The following CFAP77 variants were observed in gnomAD, a reference collection of about 807,000 sequenced individuals.
CFAP77 encodes the protein cilia- and flagella-associated protein 77.
A neutral mutation model predicts 31.1 loss-of-function variants in CFAP77; 25 were observed. The ratio of observed to expected loss-of-function variants is 0.80; its 90% CI spans 0.59 to 1.12. The LOEUF is 1.12. Ranked by LOEUF, CFAP77 falls within the 50% of genes most tolerant of loss-of-function variation. The pLI is 0.00. For synonymous variants in CFAP77, 151 were observed against 159.9 expected, an observed-to-expected ratio of 0.94 and a Z score of 0.42; for missense variants, 377 against 397.3, an observed-to-expected ratio of 0.95 and a Z score of 0.44.
At chr9:132,563,282 G>A (rs1479492713) in intron 5 of CFAP77, among the ~76,000 whole-genome samples, 1 of 152,192 alleles carries the variant, frequency 6.6e-6, no homozygotes, top group Non-Finnish European at 1.5e-5. Flanking sequence ...CCAAAAAGCT[G>A]CAGTTACAAG....
At chr9:132,523,505 A>T (rs1365490636) in intron 3 of CFAP77, among the ~76,000 whole-genome samples, 4 of 152,182 alleles carry the variant, frequency 2.6e-5, no homozygotes, top group Non-Finnish European at 5.9e-5. Flanking sequence ...GGCTCATTAC[A>T]CACACAGCCA....
intron 1 of CFAP77, among the ~76,000 whole-genome samples, chr9:132,444,247 G>A (rs1329725527): frequency 4.6e-5 from 7 of 152,230 alleles, no homozygotes; most frequent in African/African-American, 1.2e-4. Flanking sequence ...AGGCTAAGGC[G>A]CTCAGATGGG....
At chr9:132,411,924 T>TAACATAC (rs1850012876) in intron 1 of CFAP77, among the ~76,000 whole-genome samples, 1 of 152,092 alleles carries the variant, frequency 6.6e-6, no homozygotes, top group Admixed American at 6.5e-5. Flanking sequence ...TGCACCCATA[T>TAACATAC]AACATACCGT....
Position 132,498,491 on chromosome 9 carries a change from C to A in CFAP77, c.196-204C>A, listed in dbSNP as rs1363027174. ...CTTGCCTTCAGCACAGACACACAGACCCGCTTCTGCTGTGTGACCCTGTGC... is the reference window on the plus strand; with the variant it reads ...CTTGCCTTCAGCACAGACACACAGAACCGCTTCTGCTGTGTGACCCTGTGC... On this transcript the variant is annotated intron_variant, in intron 1 of 5. Transcript: ENST00000393216. This position sits in a 1 kb window ranked among gnomAD's most constrained non-coding sequence, Gnocchi z 4.2. 6.6e-6 allele frequency among the ~76,000 whole-genome samples: 1 copy of A among 152,174 alleles called. No homozygotes were observed. The highest frequency in any genetic ancestry group is 2.4e-5 in the African/African-American group (1 of 41,434).
intron 1 of CFAP77, among the ~76,000 whole-genome samples, chr9:132,489,567 G>T (rs1053958916): frequency 2.0e-5 from 3 of 152,202 alleles, no homozygotes; most frequent in African/African-American, 7.2e-5. Context: ...GAGGGCACAG[G>T]ACATCCTGTG....
chr9:132,464,093 T>C (rs879284713), intron 1 of CFAP77, among the ~76,000 whole-genome samples: 15 of 152,188 alleles, frequency 9.9e-5, no homozygotes, highest in Non-Finnish European at 1.8e-4. Context: ...GAAAAGCAGT[T>C]TCTTAGTGAC....
chr9:132,569,339 G>A (rs963578622), intron 5 of CFAP77, among the ~76,000 whole-genome samples: 2 of 152,068 alleles, frequency 1.3e-5, no homozygotes, highest in Non-Finnish European at 2.9e-5. Flanking sequence ...CCGAGAGTTT[G>A]AGGCTGCAGT....
At chr9:132,457,497 G>A (rs944853194) in intron 1 of CFAP77, among the ~76,000 whole-genome samples, 5 of 151,910 alleles carry the variant, frequency 3.3e-5, no homozygotes, top group African/African-American at 9.7e-5. Flanking sequence ...TGATCTATTC[G>A]TTTTCCCCAG....
At chr9:132,460,666 G>A (rs1185911983) in intron 1 of CFAP77, among the ~76,000 whole-genome samples, 4 of 152,144 alleles carry the variant, frequency 2.6e-5, no homozygotes, top group African/African-American at 9.7e-5. Flanking sequence ...CTTTTGGGGT[G>A]ATGAAAAAGT....
rs1296459783 is a variant in CFAP77, at chr9:132,499,697, C to A, written c.524+97C>A. ...GGAGGGTGACAGGGAAGTGGAGCAT[C>A]CTCCCAGCCCCACTGTCCTCTCTTC... On this transcript the variant is annotated intron_variant, in intron 3 of 5. Transcript: ENST00000393216. The surrounding 1 kb of genome is among the most constrained non-coding windows in gnomAD (Gnocchi z 5.4). The A allele has an allele frequency of 9.6e-7, 1 of 1,042,612 alleles. No individual in the cohort carries two copies. The highest frequency in any genetic ancestry group is 1.5e-6 in the Non-Finnish European group (1 of 685,250). The allele number at this position is 1,042,612 out of a possible 1,614,324, so 64.6% of individuals were successfully genotyped here.
chr9:132,440,252 G>A (rs899926294), intron 1 of CFAP77, among the ~76,000 whole-genome samples: 2 of 151,966 alleles, frequency 1.3e-5, no homozygotes, highest in Non-Finnish European at 2.9e-5. Flanking sequence ...AGAGAGGATC[G>A]CTTGAACCCA....
At chr9:132,543,699 C>G (rs1720254545) in intron 5 of CFAP77, among the ~76,000 whole-genome samples, 1 of 152,148 alleles carries the variant, frequency 6.6e-6, no homozygotes, top group African/African-American at 2.4e-5. Context: ...AAAGGTCTAC[C>G]AAGGACTGGG....
intron 1 of CFAP77, among the ~76,000 whole-genome samples, chr9:132,489,959 A>G (rs1420491766): frequency 6.6e-6 from 1 of 152,180 alleles, no homozygotes; most frequent in Non-Finnish European, 1.5e-5. Context: ...GGGGCAATAT[A>G]GAAAGAATAG....
chr9:132,483,981 G>A lies in CFAP77; in HGVS notation c.196-14714G>A, dbSNP rs905039039. Among the ~76,000 whole-genome samples, 6 of 148,518 alleles carry A rather than the reference G, an allele frequency of 4.0e-5. No homozygotes were observed. The Admixed American group carries it at 4.1e-4, about 10-fold the overall frequency. On this transcript the variant is annotated intron_variant, in intron 1 of 5. Coordinates refer to ENST00000393216, the MANE Select transcript of CFAP77 (RefSeq NM_001282957.2). ...AGACACATTCTCACTCTGTTGCTCA[G>A]GCTGGAGTGCAGTGGTGCAATCTCG...
intron 1 of CFAP77, among the ~76,000 whole-genome samples, chr9:132,437,797 C>T (rs1850536433): frequency 1.3e-5 from 2 of 150,900 alleles, no homozygotes; most frequent in Non-Finnish European, 3.0e-5. Context: ...AGGTGTGAGC[C>T]ACCGCGCCCG....
At chr9:132,427,451 C>T (rs979534554) in intron 1 of CFAP77, among the ~76,000 whole-genome samples, 3 of 152,144 alleles carry the variant, frequency 2.0e-5, no homozygotes, top group Admixed American at 1.3e-4. Context: ...AATGACCACA[C>T]ATCAAGTGGC....
At chr9:132,509,001 C>T (rs962238254) in intron 3 of CFAP77, among the ~76,000 whole-genome samples, 11 of 152,314 alleles carry the variant, frequency 7.2e-5, no homozygotes, top group African/African-American at 2.6e-4. Context: ...GAGCTCCGTT[C>T]ACGTTGGTGC....
intron 1 of CFAP77, among the ~76,000 whole-genome samples, chr9:132,465,084 A>G: frequency 6.8e-6 from 1 of 146,640 alleles, no homozygotes; most frequent in African/African-American, 2.7e-5. Flanking sequence ...AAAAAAAAAA[A>G]AAAAAAAAAG....
intron 1 of CFAP77, among the ~76,000 whole-genome samples, chr9:132,496,655 G>A (rs779542783): frequency 1.3e-5 from 2 of 152,172 alleles, no homozygotes; most frequent in African/African-American, 4.8e-5. Context: ...ATGCTACCGC[G>A]GGTACAACCC....
Sources: gnomAD v4.1 joint callset for allele counts (sites outside exome capture counted in the v4.1 genomes callset) on GRCh38, gnomAD v4.1.1 for gene constraint, Gnocchi (gnomAD v3.1) non-coding constraint, MANE v1.5 for transcripts, NCBI Gene and HGNC (gene_info 2026-07-23, HGNC 2026-07-21) for gene names.